WHRN: variants seen among roughly 807,000 people sequenced by gnomAD.
WHRN encodes the protein whirlin.
Under a neutral mutation model 68.3 loss-of-function variants are expected in WHRN, and 41 were observed. That is an observed-to-expected ratio of 0.60 (90% CI 0.47 to 0.78). The LOEUF (loss-of-function observed/expected upper bound fraction) is 0.78. Among genes scored for constraint, WHRN ranks in the 30% least tolerant of loss-of-function variants. The pLI, the probability that WHRN is intolerant of heterozygous loss-of-function variation, is 0.00. For synonymous variants in WHRN, 560 were observed against 561.3 expected (o/e 1.00, Z 0.03); for missense variants, 1,243 against 1,244.7 (o/e 1.00, Z 0.02).
intron 7 of WHRN, among the ~76,000 whole-genome samples, chr9:114,408,797 G>T (rs956733283): frequency 2.0e-5 from 3 of 152,218 alleles, no homozygotes; most frequent in Admixed American, 1.3e-4. Context: ...GTCTGTGAGG[G>T]TGTTTCCAGG....
chr9:114,478,302 A>C (rs1393009288), intron 2 of WHRN: 3 of 703,900 alleles, frequency 4.3e-6, no homozygotes, highest in Non-Finnish European at 7.9e-6. Context: ...TAGATAAATA[A>C]GCCAATCAAT....
intron 1 of WHRN, among the ~76,000 whole-genome samples, chr9:114,500,714 C>T (rs1362299746): frequency 6.6e-6 from 1 of 152,154 alleles, no homozygotes; most frequent in Admixed American, 6.5e-5. Flanking sequence ...GGCAAGTGAG[C>T]AAGTGAATTT....
At chr9:114,423,642 TCTGG>T in intron 6 of WHRN, 119 bp from the exon 7 acceptor site, 1 of 978,530 alleles carries the variant, frequency 1.0e-6, no homozygotes, top group Non-Finnish European at 1.5e-6. Context: ...TCCTTAACTG[TCTGG>T]CTCCCCAGTG....
In WHRN at chr9:114,504,532, C is replaced by A; in HGVS notation, c.270G>T (p.Leu90=). The A allele has an allele frequency of 6.2e-7, 1 of 1,610,380 alleles. No homozygotes were observed. The part of the protein sequence containing the change: ...VLLDSPVKRR[L]LPMLRLVIPR... ...GGATGACCAGACGAAGCATGGGCAG[C>A]AGGCGCCGCTTGACCGGACTGTCCA... The change falls in exon 1 of 12, where the codon CTG becomes CTT. Residue 90 remains leucine (L), a synonymous_variant. Coordinates refer to ENST00000362057, the MANE Select transcript of WHRN (RefSeq NM_015404.4).
chr9:114,437,256 C>G (rs187845036), intron 3 of WHRN, among the ~76,000 whole-genome samples: 1 of 151,868 alleles, frequency 6.6e-6, no homozygotes, highest in Non-Finnish European at 1.5e-5. Flanking sequence ...AGACTAAATG[C>G]CAAACAGATC....
Position 114,454,281 on chromosome 9 carries a change from G to GA in WHRN, c.963+11985dup, listed in dbSNP as rs768197818. On this transcript the variant is annotated intron_variant, in intron 3 of 11. Transcript: ENST00000362057. Reference sequence around the variant, plus strand: ...AGTCAGTGCAATAAGTTAAGAAAAAGAAATAAAAGGCATACAGATCCAAAA... The same window carrying GA: ...AGTCAGTGCAATAAGTTAAGAAAAAGAAAATAAAAGGCATACAGATCCAAAA... Among the ~76,000 whole-genome samples the GA allele has an allele frequency of 9.3e-4, 141 of 152,058 alleles. 2 individuals are homozygous for GA. Among genetic ancestry groups the GA allele is most frequent in the Admixed American group, 3.5e-3 (54 of 15,256 alleles).
At chr9:114,410,806 T>C (rs993180178) in intron 7 of WHRN, among the ~76,000 whole-genome samples, 5 of 152,212 alleles carry the variant, frequency 3.3e-5, no homozygotes, top group African/African-American at 1.2e-4. Context: ...GCCCCTGTGA[T>C]GCAAGCGCGG....
At chr9:114,425,586 GACACACACACACACACACACACACAC>G (rs148103230) in intron 4 of WHRN, 1 of 152,286 alleles carries the variant, frequency 6.6e-6, no homozygotes, top group Admixed American at 6.4e-5. Flanking sequence ...GGAAGGGGGA[GACACACACACACACACACACACACAC>G]ACACACACAC....
chr9:114,432,642 A>G (rs1035771676), intron 3 of WHRN, among the ~76,000 whole-genome samples: 1 of 152,196 alleles, frequency 6.6e-6, no homozygotes, highest in Non-Finnish European at 1.5e-5. Context: ...AATAGAGATC[A>G]TATCAGTACC....
intron 3 of WHRN, among the ~76,000 whole-genome samples, chr9:114,428,756 T>C (rs533812656): frequency 6.6e-6 from 1 of 152,132 alleles, no homozygotes; most frequent in South Asian, 2.1e-4. Flanking sequence ...AAACTTCATC[T>C]CATCATCAAC....
chr9:114,422,552 G>A (rs1234138627), intron 7 of WHRN, among the ~76,000 whole-genome samples: 1 of 152,174 alleles, frequency 6.6e-6, no homozygotes, highest in African/African-American at 2.4e-5. Context: ...GTCACGCTGG[G>A]GCCACGCATG....
At chr9:114,457,080 T>C (rs7045623) in intron 3 of WHRN, among the ~76,000 whole-genome samples, 13 of 152,184 alleles carry the variant, frequency 8.5e-5, no homozygotes, top group Non-Finnish European at 1.8e-4. Context: ...GATACGGGTA[T>C]GTGTGCATGC....
chr9:114,478,270 A>G, intron 2 of WHRN: 1 of 668,814 alleles, frequency 1.5e-6, no homozygotes, highest in Non-Finnish European at 2.8e-6. Context: ...CCTGGGCGAC[A>G]GAGTGAGACT....
chr9:114,458,763 G>C (rs1322868777), intron 3 of WHRN, among the ~76,000 whole-genome samples: 1 of 152,346 alleles, frequency 6.6e-6, no homozygotes, highest in Middle Eastern at 3.4e-3. Context: ...GTTGAATGGG[G>C]AGGGTGGGAG....
chr9:114,421,903 C>A (rs947394615), intron 7 of WHRN, among the ~76,000 whole-genome samples: 3 of 152,000 alleles, frequency 2.0e-5, no homozygotes, highest in African/African-American at 7.3e-5. Context: ...GGGATGAGCA[C>A]CCTTGGAAAT....
In WHRN at chr9:114,423,593, C is replaced by A. The variant is rs532090747; in HGVS notation, c.1417-70G>T. ...GAAGGTGGAACAGGGGCCCTGCTAC[C>A]CCCAAAGGACTGGCATGCAAACTTG... On this transcript the variant is annotated intron_variant, in intron 6 of 11. Transcript: ENST00000362057. The A allele has an allele frequency of 4.6e-5, 66 of 1,445,440 alleles. No homozygotes were observed. In the Admixed American group the frequency reaches 9.1e-4, roughly 20 times the overall value. 89.5% of individuals were successfully genotyped at this position (1,445,440 alleles called of 1,614,324 possible). A position where few individuals can be genotyped will look rare whatever the true frequency, so the allele number is the denominator to read the frequency against.
intron 3 of WHRN, among the ~76,000 whole-genome samples, chr9:114,442,195 C>T (rs764819147): frequency 6.6e-6 from 1 of 152,144 alleles, no homozygotes; most frequent in African/African-American, 2.4e-5. Context: ...AAATGCAACA[C>T]GTGATCCTGG....
chr9:114,467,605 C>T (rs1840831670), intron 2 of WHRN, among the ~76,000 whole-genome samples: 1 of 152,084 alleles, frequency 6.6e-6, no homozygotes, highest in Non-Finnish European at 1.5e-5. Context: ...GGAGGTGAGT[C>T]GCAGTGGCCA....
At chr9:114,403,073 A>G in intron 11 of WHRN, 137 bp from the exon 12 acceptor site, 1 of 1,536,622 alleles carries the variant, frequency 6.5e-7, no homozygotes. Flanking sequence ...AGGAAAGCTG[A>G]GGCCCGGAAG....
Sources: gnomAD v4.1 joint callset for allele counts (sites outside exome capture counted in the v4.1 genomes callset) on GRCh38, gnomAD v4.1.1 for gene constraint, MANE v1.5 for transcripts, NCBI Gene and HGNC (gene_info 2026-07-23, HGNC 2026-07-21) for gene names.